TBC1D22B: variants seen among roughly 807,000 people sequenced by gnomAD.
TBC1D22B encodes chromosome 6 open reading frame 197.
TBC1D22B carries 32 observed loss-of-function variants against 69.1 expected under a neutral mutation model. That is an observed-to-expected ratio of 0.46 (90% CI 0.35 to 0.62). The LOEUF is 0.62. Ranked by LOEUF, TBC1D22B falls within the 20% of genes least tolerant of loss-of-function variation. TBC1D22B has a pLI of 0.00. For missense variants in TBC1D22B, 462 were observed against 630.9 expected (o/e 0.73, Z 2.87); for synonymous variants, 206 against 229.8 (o/e 0.90, Z 0.94).
intron 10 of TBC1D22B, among the ~76,000 whole-genome samples, chr6:37,315,781 G>A (rs1274888657): frequency 1.3e-5 from 2 of 152,054 alleles, no homozygotes; most frequent in Non-Finnish European, 2.9e-5. Context: ...TTGTCATGTT[G>A]CCTAGCCTGG....
At chr6:37,270,419 C>G (rs1368734089) in intron 2 of TBC1D22B, among the ~76,000 whole-genome samples, 2 of 151,998 alleles carry the variant, frequency 1.3e-5, no homozygotes, top group Admixed American at 6.6e-5. Context: ...CCATTGCACT[C>G]CAGCCTGGGC....
At chr6:37,259,254 A>G (rs1229591894) in intron 1 of TBC1D22B, among the ~76,000 whole-genome samples, 5 of 152,218 alleles carry the variant, frequency 3.3e-5, no homozygotes, top group African/African-American at 1.2e-4. Context: ...AAAGGAATGC[A>G]AAGATAACTT....
chr6:37,318,156 G>T (rs1163612665), intron 12 of TBC1D22B, among the ~76,000 whole-genome samples: 3 of 152,218 alleles, frequency 2.0e-5, no homozygotes, highest in Non-Finnish European at 4.4e-5. Flanking sequence ...CACCCAGGAT[G>T]CTACTGTAAT....
rs577198715 is a variant in TBC1D22B, at chr6:37,327,116, G to A, written c.1390-3928G>A. Among the ~76,000 whole-genome samples the A allele has an allele frequency of 2.0e-5, 3 of 152,270 alleles. No homozygotes were observed. In the South Asian group the frequency reaches 6.2e-4, roughly 32 times the overall value. On this transcript the variant is annotated intron_variant, in intron 12 of 12. Coordinates refer to ENST00000373491, the MANE Select transcript of TBC1D22B (RefSeq NM_017772.4). ...CAGAGATGGGTAAAAGGGGCCAGAGGCCAGGGAGTACATGGTGGCATGGGG... is the reference window on the plus strand; with the variant it reads ...CAGAGATGGGTAAAAGGGGCCAGAGACCAGGGAGTACATGGTGGCATGGGG...
intron 8 of TBC1D22B, among the ~76,000 whole-genome samples, chr6:37,301,485 C>T (rs1767570921): frequency 6.6e-6 from 1 of 152,152 alleles, no homozygotes; most frequent in South Asian, 2.1e-4. Context: ...TAAATGGAAC[C>T]ACACAGTATG....
At chr6:37,317,088 A>C (rs2113785698) in intron 11 of TBC1D22B, 23 bp from the exon 12 acceptor site, 1 of 1,554,666 alleles carries the variant, frequency 6.4e-7, no homozygotes, top group East Asian at 2.4e-5. Flanking sequence ...TGGGAGACCT[A>C]ACTCTATTTT....
At chr6:37,311,440 G>C (rs182505015) in intron 8 of TBC1D22B, among the ~76,000 whole-genome samples, 48 of 152,244 alleles carry the variant, frequency 3.2e-4, no homozygotes, top group Non-Finnish European at 4.4e-5. Context: ...GTGAGGCTGA[G>C]GTGTGAGGAT....
chr6:37,269,882 T>C (rs183488209), intron 2 of TBC1D22B, among the ~76,000 whole-genome samples: 195 of 152,256 alleles, frequency 1.3e-3, no homozygotes, highest in African/African-American at 4.5e-3. Flanking sequence ...TATGTAGGGT[T>C]TGGTATTGGA....
intron 1 of TBC1D22B, among the ~76,000 whole-genome samples, chr6:37,267,478 T>TATAC (rs1367882060): frequency 3.1e-4 from 37 of 119,018 alleles, no homozygotes; most frequent in African/African-American, 1.0e-3. Context: ...ATAATATATA[T>TATAC]ACACTATATA....
chr6:37,264,757 T>C (rs903887098), intron 1 of TBC1D22B, among the ~76,000 whole-genome samples: 4 of 152,102 alleles, frequency 2.6e-5, no homozygotes, highest in African/African-American at 9.7e-5. Flanking sequence ...TTGAAGAGAA[T>C]GTTGCAGGAT....
At chr6:37,266,154 G>A (rs988326893) in intron 1 of TBC1D22B, among the ~76,000 whole-genome samples, 3 of 152,076 alleles carry the variant, frequency 2.0e-5, no homozygotes, top group African/African-American at 7.2e-5. Flanking sequence ...TCTCAAGATC[G>A]CTTATTTCTT....
intron 1 of TBC1D22B, among the ~76,000 whole-genome samples, chr6:37,269,322 A>G (rs896515646): frequency 6.6e-6 from 1 of 152,200 alleles, no homozygotes; most frequent in Non-Finnish European, 1.5e-5. Flanking sequence ...CTCCAGCTCT[A>G]AAGCCCGTTA....
intron 1 of TBC1D22B, among the ~76,000 whole-genome samples, chr6:37,258,750 C>T (rs1765944477): frequency 1.3e-5 from 2 of 152,128 alleles, no homozygotes; most frequent in Non-Finnish European, 2.9e-5. Context: ...ATCCATCCAT[C>T]AATCTACTGT....
rs1169983113 is a variant in TBC1D22B at position 37,291,296 on chromosome 6, T to C, written c.921T>C (p.Tyr307=). ...IWAIRHPASG[Y]VQGINDLVTP... ...CCATCCGCCACCCTGCCAGTGGGTA[T>C]GTCCAGGGAATTAATGACCTGGTCA... is the stretch of plus-strand genomic sequence containing the variant. The change falls in exon 8 of 13, where the codon TAT becomes TAC. Residue 307 remains tyrosine (Y), a synonymous_variant. Transcript: ENST00000373491. 6.2e-7 allele frequency: 1 copy of C among 1,614,048 alleles called. No individual in the cohort carries two copies. Among genetic ancestry groups the C allele is most frequent in the Admixed American group, 1.7e-5 (1 of 60,006 alleles).
intron 6 of TBC1D22B, among the ~76,000 whole-genome samples, chr6:37,286,563 G>T (rs1196588148): frequency 6.6e-6 from 1 of 151,564 alleles, no homozygotes; most frequent in African/African-American, 2.4e-5. Context: ...GATCCGCCCG[G>T]CTTGGCCTCC....
At chr6:37,266,678 G>T (rs1766282629) in intron 1 of TBC1D22B, among the ~76,000 whole-genome samples, 1 of 151,834 alleles carries the variant, frequency 6.6e-6, no homozygotes, top group Admixed American at 6.6e-5. Flanking sequence ...GGCCAGGCTG[G>T]TCTTGAACTC....
At chr6:37,268,623 G>A (rs1375895386) in intron 1 of TBC1D22B, among the ~76,000 whole-genome samples, 1 of 152,128 alleles carries the variant, frequency 6.6e-6, no homozygotes, top group East Asian at 1.9e-4. Context: ...GAACACCCCA[G>A]AAACTTCTGT....
At chr6:37,307,578 A>G (rs902217587) in intron 8 of TBC1D22B, among the ~76,000 whole-genome samples, 14 of 151,654 alleles carry the variant, frequency 9.2e-5, no homozygotes, top group Middle Eastern at 3.2e-3. Context: ...CTAGTCTCAA[A>G]CTCCTGACCT....
chr6:37,299,147 GT>G (rs1767487727), intron 8 of TBC1D22B, among the ~76,000 whole-genome samples: 1 of 152,116 alleles, frequency 6.6e-6, no homozygotes, highest in Non-Finnish European at 1.5e-5. Context: ...TTGTGTTTCA[GT>G]TTTTGTTTCC....
Sources: gnomAD v4.1 joint callset for allele counts (sites outside exome capture counted in the v4.1 genomes callset) on GRCh38, gnomAD v4.1.1 for gene constraint, MANE v1.5 for transcripts, NCBI Gene and HGNC (gene_info 2026-07-23, HGNC 2026-07-21) for gene names.